Variants in SACS observed in about 807,000 individuals in gnomAD.
SACS encodes sacsin.
A neutral mutation model predicts 348.0 loss-of-function variants in SACS; 197 were observed. The observed-to-expected ratio is 0.57, with a 90% confidence interval of 0.50 to 0.64. SACS has a LOEUF of 0.64. Among genes scored for constraint, SACS ranks in the 30% least tolerant of loss-of-function variants. The probability of loss-of-function intolerance (pLI) is 0.00; values close to 1 mark genes in which losing one functional copy is unlikely to be tolerated. For missense variants in SACS, 4,999 were observed against 5,360.8 expected, an observed-to-expected ratio of 0.93 and a Z score of 2.11; for synonymous variants, 1,985 against 1,910.6, an observed-to-expected ratio of 1.04 and a Z score of -1.02.
chr13:23,341,624 A>G lies in SACS; in HGVS notation c.2252T>C (p.Met751Thr). 6.2e-7 allele frequency: 1 copy of G among 1,613,698 alleles called. No homozygotes were observed. The highest frequency in any genetic ancestry group is 8.5e-7 in the Non-Finnish European group (1 of 1,179,954). ...ERFARLIKEV[M>T]NTFWPGRELI... is the part of the protein sequence containing the mutation. ...TTCTCTGCCAGGCCAGAATGTATTCATTACTTCCTTGATAAGACGTGCAAA... is the reference window on the plus strand; with the variant it reads ...TTCTCTGCCAGGCCAGAATGTATTCGTTACTTCCTTGATAAGACGTGCAAA... The change falls in exon 10 of 10, where the codon ATG becomes ACG. Residue 751 changes from methionine (M) to threonine (T), a missense_variant. Around this residue, in one of 6 missense-constraint regions of SACS, gnomAD observed 3,156 missense variants for 3,380.1 expected, o/e 0.93. Transcript: ENST00000382292.
intron 1 of SACS, among the ~76,000 whole-genome samples, chr13:23,429,345 A>AT (rs536939164): frequency 0.047 from 2,432 of 51,400 alleles, 814 homozygotes; most frequent in African/African-American, 0.053. Flanking sequence ...TGAGGTAGGG[A>AT]TTTTTTTTTT....
chr13:23,414,803 T>C (rs1873636148), intron 1 of SACS, among the ~76,000 whole-genome samples: 2 of 152,230 alleles, frequency 1.3e-5, no homozygotes, highest in Non-Finnish European at 2.9e-5. Context: ...AATAGGATGA[T>C]TCTGCCCAAT....
chr13:23,359,673 A>T (rs1368004688), intron 6 of SACS, among the ~76,000 whole-genome samples: 1 of 152,190 alleles, frequency 6.6e-6, no homozygotes, highest in African/African-American at 2.4e-5. Context: ...ATATTCACTC[A>T]TCTTACTTTA....
intron 2 of SACS, among the ~76,000 whole-genome samples, chr13:23,401,701 G>GCACC (rs1426940848): frequency 6.6e-6 from 1 of 152,182 alleles, no homozygotes; most frequent in African/African-American, 2.4e-5. Context: ...TAAGGCTTTT[G>GCACC]CACCACTTTT....
At chr13:23,376,545 C>A (rs377600562) in intron 2 of SACS, among the ~76,000 whole-genome samples, 19 of 151,948 alleles carry the variant, frequency 1.3e-4, no homozygotes, top group South Asian at 4.2e-4. Flanking sequence ...CCCTTCCCCC[C>A]AAAAAAAATT....
Position 23,338,697 on chromosome 13 carries a change from G to A in SACS, c.5179C>T (p.Pro1727Ser), listed in dbSNP as rs1304776948. ...KSCSSKALNT[P>S]VLSVLKEAAK... is the part of the protein sequence containing the mutation. ...GCCTCTTTTAAAACACTTAAGACAG[G>A]TGTGTTCAATGCTTTGGAAGAGCAG... The change falls in exon 10 of 10, where the codon CCT becomes TCT. Residue 1727 changes from proline (P) to serine (S), a missense_variant. By Grantham distance (74) the Pro-to-Ser change is moderately conservative (BLOSUM62 -1). Coordinates refer to ENST00000382292, the MANE Select transcript of SACS (RefSeq NM_014363.6). 4 of 1,613,514 alleles carry A rather than the reference G, an allele frequency of 2.5e-6. No individual in the cohort carries two copies. The highest frequency in any genetic ancestry group is 2.2e-5 in the East Asian group (1 of 44,878).
At chr13:23,375,496 C>G (rs1871719307) in intron 2 of SACS, 4 of 1,138,718 alleles carry the variant, frequency 3.5e-6, no homozygotes, top group Admixed American at 4.9e-5. Context: ...CGCAGCAGCC[C>G]GCGCCGAGGA....
intron 5 of SACS, among the ~76,000 whole-genome samples, chr13:23,366,035 T>G (rs983813804): frequency 6.6e-6 from 1 of 152,152 alleles, no homozygotes; most frequent in Non-Finnish European, 1.5e-5. Context: ...CCGTTCAGTT[T>G]GAAGGGAGCT....
At chr13:23,382,571 A>T (rs1367057504) in intron 2 of SACS, among the ~76,000 whole-genome samples, 1 of 152,192 alleles carries the variant, frequency 6.6e-6, no homozygotes, top group Admixed American at 6.5e-5. Context: ...TCAAAAATGA[A>T]TTTTTTAATC....
chr13:23,372,159 T>C (rs539515269), intron 3 of SACS, among the ~76,000 whole-genome samples: 1 of 152,332 alleles, frequency 6.6e-6, no homozygotes, highest in Admixed American at 6.5e-5. Context: ...CTAGTTTTTA[T>C]AGGCTTGCTT....
chr13:23,406,394 G>A (rs1873212162), intron 2 of SACS, among the ~76,000 whole-genome samples: 1 of 152,124 alleles, frequency 6.6e-6, no homozygotes, highest in South Asian at 2.1e-4. Flanking sequence ...GTGGGGATTA[G>A]GGGAGGGATA....
At chr13:23,353,931 T>TA (rs1465926203) in intron 8 of SACS, 55 bp from the exon 9 acceptor site, 4 of 1,037,992 alleles carry the variant, frequency 3.9e-6, no homozygotes, top group East Asian at 2.4e-5. Flanking sequence ...TCCAAGATTT[T>TA]AAAAAAACAA....
rs1349371515 is a variant in SACS at position 23,339,719 on chromosome 13, T to C, written c.4157A>G (p.Asn1386Ser). The C allele has an allele frequency of 9.9e-6, 16 of 1,614,124 alleles. No individual in the cohort carries two copies. Among genetic ancestry groups the C allele is most frequent in the Non-Finnish European group, 1.4e-5 (16 of 1,179,990 alleles). ...TGGCTTCATGATAAGTTTAGAAGGA[T>C]TTTTGCTATGATGTATAGGAACTGG... ...NTPVPIHHSK[N>S]PSKLIMKPIH... is the part of the protein sequence containing the mutation. Residue 1386 changes from asparagine (N) to serine (S), a missense_variant, in exon 10 of 10, where the codon AAT (asparagine) becomes AGT (serine). Transcript: ENST00000382292.
chr13:23,395,678 T>C (rs1301111928), intron 2 of SACS, among the ~76,000 whole-genome samples: 1 of 152,034 alleles, frequency 6.6e-6, no homozygotes, highest in Non-Finnish European at 1.5e-5. Context: ...CAAATGAAAA[T>C]CTTACAAGTC....
At chr13:23,429,497 G>C (rs1415353077) in intron 1 of SACS, among the ~76,000 whole-genome samples, 2 of 151,712 alleles carry the variant, frequency 1.3e-5, no homozygotes, top group African/African-American at 4.8e-5. Context: ...TGAGTAACTG[G>C]GACTACAGGC....
At position 23,337,884 on chromosome 13, in the gene SACS, T is replaced by C. The variant is rs140058391; in HGVS notation, c.5992A>G (p.Ile1998Val). The C allele has an allele frequency of 7.4e-6, 12 of 1,613,760 alleles. No homozygotes were observed. Among genetic ancestry groups the C allele is most frequent in the African/African-American group, 5.3e-5 (4 of 74,930 alleles). Reference protein sequence around the residue: ...MKNVRFLDDSILKRRDVGSAA... With the variant: ...MKNVRFLDDSVLKRRDVGSAA... The stretch of plus-strand genomic sequence containing the variant: ...GAACCAACATCTCTTCTTTTAAGTA[T>C]AGAGTCATCTAGAAATCTTACGTTC... The change falls in exon 10 of 10, where the codon ATA becomes GTA. Residue 1998 changes from isoleucine (I) to valine (V), a missense_variant. Transcript: ENST00000382292.
chr13:23,335,442 C>T lies in SACS; in HGVS notation c.8434G>A (p.Glu2812Lys), dbSNP rs1375071382. 1 of 1,613,860 alleles carries T rather than the reference C, an allele frequency of 6.2e-7. No homozygotes were observed. The highest frequency in any genetic ancestry group is 8.5e-7 in the Non-Finnish European group (1 of 1,179,894). ...ITYTMDTEDS[E>K]GNLTTWLICN... is the part of the protein sequence containing the mutation. ...ATTAGCCACGTAGTAAGATTTCCTTCAGAGTCCTCAGTATCCATAGTATAG... is the reference window on the plus strand; with the variant it reads ...ATTAGCCACGTAGTAAGATTTCCTTTAGAGTCCTCAGTATCCATAGTATAG... Residue 2812 changes from glutamate to lysine, a missense_variant, in exon 10 of 10, where the codon GAA (glutamate) becomes AAA (lysine). Glu to Lys is a moderately conservative substitution (Grantham distance 56, BLOSUM62 1). Transcript: ENST00000382292. The surrounding 1 kb of genome is among the most constrained non-coding windows in gnomAD (Gnocchi z 4.7).
At chr13:23,391,833 T>A (rs1038023675) in intron 2 of SACS, among the ~76,000 whole-genome samples, 7 of 147,494 alleles carry the variant, frequency 4.7e-5, no homozygotes, top group Non-Finnish European at 1.1e-4. Context: ...CATGCCAGAT[T>A]GGCAGGAAAG....
At chr13:23,362,535 T>G (rs1294154780) in intron 6 of SACS, among the ~76,000 whole-genome samples, 1 of 149,706 alleles carries the variant, frequency 6.7e-6, no homozygotes, top group Non-Finnish European at 1.5e-5. Flanking sequence ...GTTTGTTAAA[T>G]AAAGAGATCA....
Sources: allele counts gnomAD v4.1 joint callset (sites outside exome capture counted in the v4.1 genomes callset), GRCh38; gene constraint gnomAD v4.1.1; regional missense constraint gnomAD v4.1.1; non-coding constraint Gnocchi (gnomAD v3.1); transcripts MANE v1.5; gene names NCBI Gene and HGNC (gene_info 2026-07-23, HGNC 2026-07-21).